Variants in RASEF observed in about 807,000 individuals in gnomAD.
The protein encoded by RASEF is RAS and EF-hand domain containing.
In RASEF, 68 loss-of-function variants were observed where a neutral mutation model predicts 90.1. That is an observed-to-expected ratio of 0.75 (90% CI 0.62 to 0.92). The LOEUF is 0.92. Ranked by LOEUF, RASEF falls within the 40% of genes least tolerant of loss-of-function variation. The pLI, the probability that RASEF is intolerant of heterozygous loss-of-function variation, is 0.00. For synonymous variants in RASEF, 331 were observed against 345.2 expected, an observed-to-expected ratio of 0.96 and a Z score of 0.46; for missense variants, 949 against 937.2, an observed-to-expected ratio of 1.01 and a Z score of -0.16.
the RASEF span, among the ~76,000 whole-genome samples, chr9:83,149,194 C>A: frequency 6.6e-6 from 1 of 152,194 alleles, no homozygotes; most frequent in Admixed American, 6.5e-5. Context: ...AAGATTATGG[C>A]ACACCAGTGG....
the RASEF span, among the ~76,000 whole-genome samples, chr9:83,093,129 C>T: frequency 6.6e-6 from 1 of 152,168 alleles, no homozygotes; most frequent in African/African-American, 2.4e-5. Flanking sequence ...GGTGTGTTTA[C>T]AAACCTTGAG....
At chr9:83,029,219 T>C (rs1829599148) in intron 1 of RASEF, among the ~76,000 whole-genome samples, 1 of 152,144 alleles carries the variant, frequency 6.6e-6, no homozygotes, top group Non-Finnish European at 1.5e-5. Flanking sequence ...CATAAAATCA[T>C]ACTGCTTCCC....
chr9:83,049,103 G>A (rs1338546236), intron 1 of RASEF, among the ~76,000 whole-genome samples: 5 of 146,024 alleles, frequency 3.4e-5, no homozygotes, highest in African/African-American at 1.3e-4. Context: ...CAGCCAGGGT[G>A]ACAGAGTGAG....
intron 1 of RASEF, among the ~76,000 whole-genome samples, chr9:83,032,910 T>G (rs1829672270): frequency 6.6e-6 from 1 of 152,202 alleles, no homozygotes; most frequent in African/African-American, 2.4e-5. Context: ...AGGGCTGGTA[T>G]GTAGAATGCT....
At chr9:83,004,870 G>A (rs747291066) in intron 8 of RASEF, among the ~76,000 whole-genome samples, 16 of 152,136 alleles carry the variant, frequency 1.1e-4, no homozygotes, top group Non-Finnish European at 2.1e-4. Flanking sequence ...CACTTTGCCA[G>A]GATCCTGCAA....
the RASEF span, among the ~76,000 whole-genome samples, chr9:83,217,499 G>A: frequency 0.18 from 27,137 of 152,122 alleles, 2,585 homozygotes; most frequent in Admixed American, 0.24. Flanking sequence ...GGAGGTAATT[G>A]AATCATGGGG....
chr9:82,993,251 G>A (rs1217909505), intron 14 of RASEF, among the ~76,000 whole-genome samples: 1 of 152,146 alleles, frequency 6.6e-6, no homozygotes, highest in Non-Finnish European at 1.5e-5. Flanking sequence ...GAAGGTATAA[G>A]GGTCAGGGCC....
At chr9:83,017,097 A>T (rs1829355146) in intron 3 of RASEF, among the ~76,000 whole-genome samples, 1 of 152,136 alleles carries the variant, frequency 6.6e-6, no homozygotes, top group South Asian at 2.1e-4. Context: ...GGTGCTAATG[A>T]GGCAGCCTTC....
At position 83,001,056 on chromosome 9, in the gene RASEF, C is replaced by T. The variant is rs1829029112; in HGVS notation, c.1277G>A (p.Cys426Tyr). ...ALCDPLQRTN[C>Y]EVDSLPESCF... ...GCTTTCAGGCAGGCTGTCAACTTCA[C>T]AATTTGTCCTCTGCAGAGGATCACA... The change falls in exon 10 of 17, where the codon TGT becomes TAT. Residue 426 changes from cysteine to tyrosine, a missense_variant. By Grantham distance (194) the Cys-to-Tyr change is radical. This residue lies in a region of RASEF where 656 missense variants were observed against 592.2 expected (regional missense o/e 1.11). Coordinates refer to ENST00000376447, the MANE Select transcript of RASEF (RefSeq NM_152573.4). 2.5e-6 allele frequency: 4 copies of T among 1,614,148 alleles called. No individual in the cohort carries two copies. Among genetic ancestry groups the T allele is most frequent in the Non-Finnish European group, 3.4e-6 (4 of 1,180,020 alleles).
In RASEF at chr9:83,027,334, C is replaced by G. The variant is rs117579094; in HGVS notation, c.432-1413G>C. On this transcript the variant is annotated intron_variant, in intron 1 of 16. Coordinates refer to ENST00000376447, the MANE Select transcript of RASEF (RefSeq NM_152573.4). ...CAGCTTCTCTCTCCTCCCCAGAGGT[C>G]AGGGATGGGGCTGAAAGTTCCAACC... 4.6e-3 allele frequency among the ~76,000 whole-genome samples: 697 copies of G among 152,286 alleles called. 7 individuals are homozygous for G. The highest frequency in any genetic ancestry group is 0.043 in the East Asian group (220 of 5,172).
At chr9:83,069,635 G>A in the RASEF span, among the ~76,000 whole-genome samples, 1 of 152,144 alleles carries the variant, frequency 6.6e-6, no homozygotes, top group African/African-American at 2.4e-5. Context: ...TCCTGTACAA[G>A]TCTTTGTATT....
intron 1 of RASEF, among the ~76,000 whole-genome samples, chr9:83,034,090 G>T (rs1402240987): frequency 6.6e-6 from 1 of 152,130 alleles, no homozygotes; most frequent in African/African-American, 2.4e-5. Flanking sequence ...TATGCTACTA[G>T]AACAGAAAAA....
chr9:83,091,999 A>ATTTTTTTTTTTTTTTT, the RASEF span, among the ~76,000 whole-genome samples: 2 of 17,230 alleles, frequency 1.2e-4, no homozygotes, highest in African/African-American at 2.4e-4. Flanking sequence ...TTTTTCTTTT[A>ATTTTTTTTTTTTTTTT]TTTCTTTTTT....
chr9:83,212,160 C>T, the RASEF span, among the ~76,000 whole-genome samples: 1 of 152,126 alleles, frequency 6.6e-6, no homozygotes, highest in East Asian at 1.9e-4. Flanking sequence ...TAGCTGTTAA[C>T]ACATAGCACT....
intron 1 of RASEF, among the ~76,000 whole-genome samples, chr9:83,047,502 T>G (rs1169660634): frequency 6.6e-6 from 1 of 152,162 alleles, no homozygotes; most frequent in African/African-American, 2.4e-5. Flanking sequence ...TCACACATCT[T>G]AAAAACTGTG....
chr9:83,003,724 T>C (rs1321405952), intron 9 of RASEF, among the ~76,000 whole-genome samples: 4 of 152,206 alleles, frequency 2.6e-5, no homozygotes, highest in African/African-American at 9.6e-5. Context: ...GGATGTTAAG[T>C]ACATTATTCT....
chr9:83,151,624 T>C, the RASEF span, among the ~76,000 whole-genome samples: 2 of 152,226 alleles, frequency 1.3e-5, no homozygotes, highest in South Asian at 2.1e-4. Flanking sequence ...AGTAGTTAAG[T>C]CACTTTCCCA....
At chr9:83,214,557 C>T in the RASEF span, among the ~76,000 whole-genome samples, 2 of 152,016 alleles carry the variant, frequency 1.3e-5, no homozygotes, top group Admixed American at 1.3e-4. Flanking sequence ...GGGTCCCCAC[C>T]CAAATCTCAT....
chr9:82,997,704 C>T (rs924011513), intron 13 of RASEF, among the ~76,000 whole-genome samples: 2 of 152,090 alleles, frequency 1.3e-5, no homozygotes, highest in African/African-American at 4.8e-5. Flanking sequence ...TCATGTCAAC[C>T]ACAAATATTT....
Sources: gnomAD v4.1 joint callset for allele counts (sites outside exome capture counted in the v4.1 genomes callset) on GRCh38, gnomAD v4.1.1 for gene constraint, gnomAD v4.1.1 regional missense constraint, MANE v1.5 for transcripts, NCBI Gene and HGNC (gene_info 2026-07-23, HGNC 2026-07-21) for gene names.